Variants in CSMD1 observed in about 807,000 individuals in gnomAD.
CSMD1 encodes CUB and Sushi multiple domains 1, also known as CUB and sushi domain-containing protein 1.
A neutral mutation model predicts 417.5 loss-of-function variants in CSMD1; 213 were observed. That is an observed-to-expected ratio of 0.51 (90% confidence interval 0.46 to 0.57). The LOEUF (loss-of-function observed/expected upper bound fraction) is 0.57. CSMD1 is among the 20% of genes least tolerant of loss of function. The probability of loss-of-function intolerance (pLI) is 0.00; values close to 1 mark genes in which losing one functional copy is unlikely to be tolerated. For missense variants in CSMD1, 6,923 were observed against 4,529.7 expected, an observed-to-expected ratio of 1.53 and a Z score of -15.17; for synonymous variants, 2,862 against 1,736.8, an observed-to-expected ratio of 1.65 and a Z score of -16.11.
At chr8:4,382,500 GT>G (rs1431456089) in intron 3 of CSMD1, among the ~76,000 whole-genome samples, 1 of 152,036 alleles carries the variant, frequency 6.6e-6, no homozygotes, top group Non-Finnish European at 1.5e-5. Context: ...TAAACTCTCT[GT>G]TCACCGCTCT....
rs202050924 is a variant in CSMD1, at chr8:4,612,859, T to C, written c.302+24483A>G. Among the ~76,000 whole-genome samples the C allele has an allele frequency of 2.1e-4, 32 of 152,272 alleles. No individual in the cohort carries two copies. In the East Asian group the frequency reaches 5.2e-3, roughly 25 times the overall value. ...GGCTAAACAAGAGCACAAACCTGAGTGAATCAGAGCATACTAGAATACTTT... is the reference window on the plus strand; with the variant it reads ...GGCTAAACAAGAGCACAAACCTGAGCGAATCAGAGCATACTAGAATACTTT... On this transcript the variant is annotated intron_variant, in intron 2 of 69. Coordinates refer to ENST00000635120, the MANE Select transcript of CSMD1 (RefSeq NM_033225.6).
At chr8:3,327,319 G>C (rs34558949) in intron 23 of CSMD1, among the ~76,000 whole-genome samples, 2 of 152,012 alleles carry the variant, frequency 1.3e-5, no homozygotes, top group African/African-American at 2.4e-5. Context: ...ATTTTTTGTA[G>C]AGATGGGGTT....
chr8:4,218,315 G>A (rs1224658334), intron 3 of CSMD1, among the ~76,000 whole-genome samples: 1 of 152,098 alleles, frequency 6.6e-6, no homozygotes, highest in African/African-American at 2.4e-5. Context: ...TGAATTCTTA[G>A]CCTATTCATT....
chr8:4,251,101 T>C (rs1244837555), intron 3 of CSMD1, among the ~76,000 whole-genome samples: 1 of 152,310 alleles, frequency 6.6e-6, no homozygotes, highest in Non-Finnish European at 1.5e-5. Context: ...CCCTGCCAAA[T>C]TTCTGAAGGC....
chr8:2,985,297 T>C (rs750902021), intron 54 of CSMD1, among the ~76,000 whole-genome samples: 5 of 152,128 alleles, frequency 3.3e-5, no homozygotes, highest in Non-Finnish European at 2.9e-5. Flanking sequence ...GCAAAACACA[T>C]GATATTTCCA....
rs148699204 is a variant in CSMD1, at chr8:4,239,777, C to T, written c.415+180176G>A. On this transcript the variant is annotated intron_variant, in intron 3 of 69. Transcript: ENST00000635120. ...AATGATGACAATGGTCTATCTTTCA[C>T]GTTAGTTCCATTCTCACAGAAAAGG... 4.1e-3 allele frequency among the ~76,000 whole-genome samples: 617 copies of T among 152,242 alleles called. 4 individuals are homozygous for T. Among genetic ancestry groups the T allele is most frequent in the Non-Finnish European group, 6.4e-3 (438 of 68,022 alleles).
intron 3 of CSMD1, among the ~76,000 whole-genome samples, chr8:4,382,533 A>G (rs1272963397): frequency 6.6e-6 from 1 of 152,212 alleles, no homozygotes; most frequent in Non-Finnish European, 1.5e-5. Flanking sequence ...GTATTGCAAA[A>G]AGGATTATAA....
chr8:3,106,938 A>T (rs1268136480), intron 45 of CSMD1: 3 of 254,482 alleles, frequency 1.2e-5, no homozygotes, highest in Non-Finnish European at 2.2e-5. Flanking sequence ...AAAAGAAAAA[A>T]AAAGTAAAGT....
rs374825259 is a variant in CSMD1, at chr8:3,092,232, A to G, written c.7139-570T>C. Among the ~76,000 whole-genome samples the G allele has an allele frequency of 2.0e-5, 3 of 152,216 alleles. No homozygotes were observed. The East Asian group carries it at 5.8e-4, about 29-fold the overall frequency. On this transcript the variant is annotated intron_variant, in intron 47 of 69. Coordinates refer to ENST00000635120, the MANE Select transcript of CSMD1 (RefSeq NM_033225.6). Reference sequence around the variant, plus strand: ...AAGAATTGAAGATTCCATGAAAAAGAATTAGATTCATACAGCATTAAAATT... The same window carrying G: ...AAGAATTGAAGATTCCATGAAAAAGGATTAGATTCATACAGCATTAAAATT...
At chr8:3,512,683 C>G (rs1470309578) in intron 10 of CSMD1, among the ~76,000 whole-genome samples, 1 of 151,144 alleles carries the variant, frequency 6.6e-6, no homozygotes, top group Admixed American at 6.6e-5. Flanking sequence ...ATCTGGGCTC[C>G]CTGCAACCTC....
rs978298682 is a variant in CSMD1 at position 3,777,504 on chromosome 8, G to A, written c.819-23462C>T. On this transcript the variant is annotated intron_variant, in intron 5 of 69. Transcript: ENST00000635120. ...CTCTAAGAGATGATGGGCTGAGGATGCTCTGAGCACCATAAAATCCTACAG... is the reference window on the plus strand; with the variant it reads ...CTCTAAGAGATGATGGGCTGAGGATACTCTGAGCACCATAAAATCCTACAG... Among the ~76,000 whole-genome samples the A allele has an allele frequency of 3.9e-5, 6 of 152,170 alleles. 1 individual carries two copies. The highest frequency in any genetic ancestry group is 5.9e-5 in the Non-Finnish European group (4 of 68,032).
At chr8:4,355,521 A>T (rs964576624) in intron 3 of CSMD1, among the ~76,000 whole-genome samples, 28 of 152,186 alleles carry the variant, frequency 1.8e-4, no homozygotes, top group African/African-American at 6.8e-4. Flanking sequence ...GTAGTTTAGT[A>T]AAGGAAGTTC....
chr8:3,150,374 A>G (rs1193908745), intron 40 of CSMD1, among the ~76,000 whole-genome samples: 1 of 151,956 alleles, frequency 6.6e-6, no homozygotes, highest in Non-Finnish European at 1.5e-5. Context: ...ATGTTGGTCA[A>G]CTGCATTTCC....
chr8:4,097,405 C>T lies in CSMD1; in HGVS notation c.416-65306G>A, dbSNP rs560732753. Among the ~76,000 whole-genome samples the T allele has an allele frequency of 7.9e-5, 12 of 152,314 alleles. No homozygotes were observed. In the South Asian group the frequency reaches 1.7e-3, roughly 21 times the overall value. On this transcript the variant is annotated intron_variant, in intron 3 of 69. Coordinates refer to ENST00000635120, the MANE Select transcript of CSMD1 (RefSeq NM_033225.6). ...GGTGTTATAAGAATTAAACAGACCA[C>T]ACATGAACGTTGTATACATATACGC...
At chr8:4,110,252 CAACGA>C (rs1801781011) in intron 3 of CSMD1, among the ~76,000 whole-genome samples, 2 of 152,154 alleles carry the variant, frequency 1.3e-5, no homozygotes, top group African/African-American at 2.4e-5. Context: ...GAAAGCTTGG[CAACGA>C]AACAAGTCAT....
Position 2,954,200 on chromosome 8 carries a change from C to T in CSMD1, c.10039+24G>A, listed in dbSNP as rs755768179. 2.3e-5 allele frequency: 32 copies of T among 1,395,634 alleles called. No individual in the cohort carries two copies. In the Admixed American group the frequency reaches 6.1e-4, roughly 27 times the overall value. The allele number at this position is 1,395,634 out of a possible 1,614,324, so 86.5% of individuals were successfully genotyped here. A position where few individuals can be genotyped will look rare whatever the true frequency, so the allele number is the denominator to read the frequency against. On this transcript the variant is annotated intron_variant, in intron 65 of 69. Coordinates refer to ENST00000635120, the MANE Select transcript of CSMD1 (RefSeq NM_033225.6). ...ACAAATCACTTTATTGGATTGAAATCTAGAACTGTTCTGGTATACAAACCT... is the reference window on the plus strand; with the variant it reads ...ACAAATCACTTTATTGGATTGAAATTTAGAACTGTTCTGGTATACAAACCT...
At chr8:4,963,775 C>T (rs931269367) in intron 1 of CSMD1, among the ~76,000 whole-genome samples, 1 of 152,122 alleles carries the variant, frequency 6.6e-6, no homozygotes, top group African/African-American at 2.4e-5. Context: ...ACATGACTTT[C>T]ATGGCAACGT....
chr8:3,283,180 A>C (rs780554763), intron 26 of CSMD1, among the ~76,000 whole-genome samples: 1 of 152,112 alleles, frequency 6.6e-6, no homozygotes, highest in East Asian at 1.9e-4. Flanking sequence ...CTTTATCCCT[A>C]AGGTGGAAAA....
chr8:3,928,144 G>A (rs1299173402), intron 5 of CSMD1, among the ~76,000 whole-genome samples: 3 of 152,114 alleles, frequency 2.0e-5, no homozygotes, highest in Non-Finnish European at 2.9e-5. Flanking sequence ...TTAATTGCCT[G>A]TTGGACATTT....
Sources: allele counts gnomAD v4.1 joint callset (sites outside exome capture counted in the v4.1 genomes callset), GRCh38; gene constraint gnomAD v4.1.1; transcripts MANE v1.5; gene names NCBI Gene and HGNC (gene_info 2026-07-23, HGNC 2026-07-21).